Variants in TRAPPC8 observed in about 807,000 individuals in gnomAD.
TRAPPC8 encodes the protein trafficking protein particle complex subunit 8.
TRAPPC8 carries 54 observed loss-of-function variants against 174.3 expected under a neutral mutation model. The observed-to-expected ratio is 0.31, with a 90% confidence interval of 0.25 to 0.39. The LOEUF is 0.39. Among genes scored for constraint, TRAPPC8 ranks in the 10% least tolerant of loss-of-function variants. The pLI, the probability that TRAPPC8 is intolerant of heterozygous loss-of-function variation, is 1.00. For synonymous variants in TRAPPC8, 630 were observed against 579.9 expected, an observed-to-expected ratio of 1.09 and a Z score of -1.24; for missense variants, 1,531 against 1,699.1, an observed-to-expected ratio of 0.90 and a Z score of 1.74.
In TRAPPC8 at chr18:31,874,351, CCA is replaced by C. The variant is rs556655525; in HGVS notation, c.1953+127_1953+128del. The C allele has an allele frequency of 2.6e-4, 250 of 977,960 alleles. 3 individuals carry two copies. In the South Asian group the frequency reaches 3.8e-3, roughly 15 times the overall value. The allele number at this position is 977,960 out of a possible 1,614,324, so 60.6% of individuals were successfully genotyped here. The stretch of plus-strand genomic sequence containing the variant: ...ATCTATAGCCAAAAAGCCTAGCCTG[CCA>C]CAGCTTTTTTATGACTGATAACTAC... On this transcript the variant is annotated intron_variant, in intron 13 of 28. Transcript: ENST00000283351.
intron 9 of TRAPPC8, among the ~76,000 whole-genome samples, chr18:31,904,724 TA>T (rs2145454964): frequency 6.6e-6 from 1 of 152,240 alleles, no homozygotes; most frequent in South Asian, 2.1e-4. Context: ...CAAAATATCG[TA>T]CAGCTCTAAA....
In TRAPPC8 at chr18:31,829,793, A is replaced by G. The variant is rs1568020913; in HGVS notation, c.*962T>C. ...CCCTGTCTTCCCTCCTTCTCCAATGACAAGAGATATTCATTGAAACAACCT... is the reference window on the plus strand; with the variant it reads ...CCCTGTCTTCCCTCCTTCTCCAATGGCAAGAGATATTCATTGAAACAACCT... On this transcript the variant is annotated 3_prime_UTR_variant, in exon 29 of 29. Coordinates refer to ENST00000283351, the MANE Select transcript of TRAPPC8 (RefSeq NM_014939.5). 6.6e-6 allele frequency: 1 copy of G among 152,444 alleles called. No homozygotes were observed. Among genetic ancestry groups the G allele is most frequent in the Non-Finnish European group, 1.5e-5 (1 of 68,068 alleles). The allele number at this position is 152,444 out of a possible 1,614,324, so 9.4% of individuals were successfully genotyped here.
chr18:31,878,218 A>T (rs1411458210), intron 12 of TRAPPC8, among the ~76,000 whole-genome samples: 4 of 152,166 alleles, frequency 2.6e-5, no homozygotes, highest in Non-Finnish European at 5.9e-5. Flanking sequence ...CAGGATGAGC[A>T]ACTGGTGCAC....
chr18:31,889,793 C>G (rs571059635), intron 12 of TRAPPC8, among the ~76,000 whole-genome samples: 1 of 151,948 alleles, frequency 6.6e-6, no homozygotes, highest in Non-Finnish European at 1.5e-5. Flanking sequence ...AGGAAGGAAC[C>G]CAATTTTGAA....
intron 9 of TRAPPC8, among the ~76,000 whole-genome samples, chr18:31,903,115 TGCGTGC>T (rs2036513922): frequency 4.4e-5 from 4 of 90,028 alleles, no homozygotes; most frequent in Non-Finnish European, 9.6e-5. Flanking sequence ...CGCGCGTGCG[TGCGTGC>T]GTGTGTGTGT....
chr18:31,904,961 T>A lies in TRAPPC8; in HGVS notation c.1389+2499A>T, dbSNP rs368917458. On this transcript the variant is annotated intron_variant, in intron 9 of 28. Coordinates refer to ENST00000283351, the MANE Select transcript of TRAPPC8 (RefSeq NM_014939.5). ...AGGAGGATCACTTGAACCCAGGAGGTGGAGGATGCAGTGAGCTGAGATCAA... is the reference window on the plus strand; with the variant it reads ...AGGAGGATCACTTGAACCCAGGAGGAGGAGGATGCAGTGAGCTGAGATCAA... Among the ~76,000 whole-genome samples, 347 of 149,332 alleles carry A rather than the reference T, an allele frequency of 2.3e-3. 11 individuals carry two copies. The South Asian group carries it at 0.062, about 27-fold the overall frequency.
In TRAPPC8 at chr18:31,872,086, T is replaced by C. The variant is rs12604921; in HGVS notation, c.2063-966A>G. ...TCGTGTAGCCATCACCCAAATAGTATACATTGTACCCATAAGTAATTTCTC... is the reference window on the plus strand; with the variant it reads ...TCGTGTAGCCATCACCCAAATAGTACACATTGTACCCATAAGTAATTTCTC... On this transcript the variant is annotated intron_variant, in intron 14 of 28. Coordinates refer to ENST00000283351, the MANE Select transcript of TRAPPC8 (RefSeq NM_014939.5). Among the ~76,000 whole-genome samples, 11 of 152,246 alleles carry C rather than the reference T, an allele frequency of 7.2e-5. No individual in the cohort carries two copies. In the East Asian group the frequency reaches 2.1e-3, roughly 29 times the overall value.
chr18:31,907,419 G>T, intron 9 of TRAPPC8, 41 bp downstream of exon 9: 1 of 1,507,260 alleles, frequency 6.6e-7, no homozygotes, highest in Non-Finnish European at 8.9e-7. Context: ...AATAATTTAT[G>T]GTAGCAGAAT....
At chr18:31,938,200 GATTA>G (rs148538726) in intron 1 of TRAPPC8, among the ~76,000 whole-genome samples, 9,034 of 151,922 alleles carry the variant, frequency 0.059, 284 homozygotes, top group Middle Eastern at 0.099. Context: ...TTGTTTGCTT[GATTA>G]ATTAATATTA....
chr18:31,919,621 C>T (rs1355140684), intron 2 of TRAPPC8, among the ~76,000 whole-genome samples: 5 of 150,226 alleles, frequency 3.3e-5, no homozygotes, highest in African/African-American at 1.2e-4. Context: ...CTTTGGGAGG[C>T]TGAGGTGAGT....
chr18:31,846,419 AC>A (rs538420103), intron 26 of TRAPPC8, among the ~76,000 whole-genome samples: 127 of 152,082 alleles, frequency 8.4e-4, no homozygotes, highest in Non-Finnish European at 1.6e-3. Context: ...ACAAAAAAAC[AC>A]AAAAATTAGC....
At chr18:31,902,048 C>T (rs916967823) in intron 9 of TRAPPC8, among the ~76,000 whole-genome samples, 10 of 152,180 alleles carry the variant, frequency 6.6e-5, no homozygotes, top group African/African-American at 2.4e-4. Flanking sequence ...GGTGTGGTGA[C>T]GCATGCCTGT....
intron 2 of TRAPPC8, 85 bp downstream of exon 2, chr18:31,931,244 G>T: frequency 7.8e-7 from 1 of 1,278,098 alleles, no homozygotes; most frequent in Non-Finnish European, 1.1e-6. Context: ...TTAAATACAT[G>T]TTGATCATCT....
chr18:31,910,634 T>C (rs1022897807), intron 5 of TRAPPC8, among the ~76,000 whole-genome samples: 2 of 152,176 alleles, frequency 1.3e-5, no homozygotes, highest in Non-Finnish European at 2.9e-5. Context: ...AGACATGCAA[T>C]AGGTCACTTA....
intron 27 of TRAPPC8, among the ~76,000 whole-genome samples, chr18:31,837,652 CG>C (rs528782279): frequency 1.3e-3 from 197 of 151,826 alleles, no homozygotes; most frequent in Middle Eastern, 3.4e-3. Flanking sequence ...GAGCCAAGAT[CG>C]TATCACTGCA....
Position 31,830,828 on chromosome 18 carries a change from G to A in TRAPPC8, c.4235C>T (p.Ser1412Leu), listed in dbSNP as rs368478352. Residue 1412 changes from serine (S) to leucine (L), a missense_variant, in exon 29 of 29, where the codon TCG (serine) becomes TTG (leucine). Physicochemically the swap from Ser to Leu is moderately radical, Grantham distance 145. Coordinates refer to ENST00000283351, the MANE Select transcript of TRAPPC8 (RefSeq NM_014939.5). ...LGTPRVFAKL[S>L]DQVTVFETSQ... Reference sequence around the variant, plus strand: ...TGTTTCAAACACTGTAACTTGGTCCGATAACTTGGCAAATACCCTAGGAGT... The same window carrying A: ...TGTTTCAAACACTGTAACTTGGTCCAATAACTTGGCAAATACCCTAGGAGT... 4.1e-5 allele frequency: 66 copies of A among 1,614,012 alleles called. No homozygotes were observed. The highest frequency in any genetic ancestry group is 4.8e-5 in the Non-Finnish European group (57 of 1,180,034).
At chr18:31,920,761 T>A (rs2037349759) in intron 2 of TRAPPC8, among the ~76,000 whole-genome samples, 1 of 151,808 alleles carries the variant, frequency 6.6e-6, no homozygotes, top group South Asian at 2.1e-4. Flanking sequence ...ACCAACATGG[T>A]AGAACGCTGT....
At chr18:31,853,643 G>C (rs897576098) in intron 22 of TRAPPC8, among the ~76,000 whole-genome samples, 8 of 152,170 alleles carry the variant, frequency 5.3e-5, no homozygotes, top group Non-Finnish European at 1.2e-4. Context: ...GAAAATACAA[G>C]TATAAAAGAT....
chr18:31,842,024 C>A (rs1486203572), intron 26 of TRAPPC8, among the ~76,000 whole-genome samples: 1 of 152,160 alleles, frequency 6.6e-6, no homozygotes, highest in Non-Finnish European at 1.5e-5. Context: ...GCATGTACCA[C>A]CACACTCAGC....
Sources: allele counts gnomAD v4.1 joint callset (sites outside exome capture counted in the v4.1 genomes callset), GRCh38; gene constraint gnomAD v4.1.1; transcripts MANE v1.5; gene names NCBI Gene and HGNC (gene_info 2026-07-23, HGNC 2026-07-21).